TNPO3: variants seen among roughly 807,000 people sequenced by gnomAD.
The protein encoded by TNPO3 is transportin-3.
In TNPO3, 65 loss-of-function variants were observed where a neutral mutation model predicts 122.8. That is an observed-to-expected ratio of 0.53 (90% CI 0.43 to 0.65). The LOEUF is 0.65. Ranked by LOEUF, TNPO3 falls within the 30% of genes least tolerant of loss-of-function variation. TNPO3 has a pLI of 0.00. For missense variants in TNPO3, 850 were observed against 1,136.7 expected (o/e 0.75, Z 3.63); for synonymous variants, 372 against 411.2 (o/e 0.90, Z 1.15).
At chr7:129,047,425 ATAC>A (rs1265449458) in intron 1 of TNPO3, among the ~76,000 whole-genome samples, 4 of 152,234 alleles carry the variant, frequency 2.6e-5, no homozygotes, top group Non-Finnish European at 5.9e-5. Context: ...CTGCCTCAAA[ATAC>A]TCTCTTTCAG....
chr7:129,016,073 A>C (rs1803820707), intron 3 of TNPO3, among the ~76,000 whole-genome samples: 1 of 151,940 alleles, frequency 6.6e-6, no homozygotes, highest in Admixed American at 6.5e-5. Context: ...TGAAACAGCA[A>C]GACTGTGTCT....
chr7:129,005,618 C>T (rs1295002079), intron 4 of TNPO3, among the ~76,000 whole-genome samples: 1 of 151,952 alleles, frequency 6.6e-6, no homozygotes, highest in Non-Finnish European at 1.5e-5. Context: ...CTCTCTCCTG[C>T]CGGCCGTGTG....
intron 1 of TNPO3, among the ~76,000 whole-genome samples, chr7:129,052,346 C>G (rs1479718274): frequency 6.6e-6 from 1 of 152,246 alleles, no homozygotes; most frequent in African/African-American, 2.4e-5. Context: ...CCTCTCAAGG[C>G]AGCCAACTCC....
chr7:129,031,334 T>C lies in TNPO3; in HGVS notation c.121-13177A>G, dbSNP rs142552673. On this transcript the variant is annotated intron_variant, in intron 1 of 22. Transcript: ENST00000265388. Reference sequence around the variant, plus strand: ...AGAAAGAAAGAAAGAAATAAGAGGATTTAAATAACTAATCAGAAATAAAAG... The same window carrying C: ...AGAAAGAAAGAAAGAAATAAGAGGACTTAAATAACTAATCAGAAATAAAAG... Among the ~76,000 whole-genome samples the C allele has an allele frequency of 7.2e-3, 1,091 of 151,496 alleles. 18 individuals carry two copies. Among genetic ancestry groups the C allele is most frequent in the African/African-American group, 0.025 (1,027 of 41,230 alleles).
chr7:129,003,308 T>A (rs985478984), intron 5 of TNPO3, among the ~76,000 whole-genome samples: 1 of 149,734 alleles, frequency 6.7e-6, no homozygotes, highest in Non-Finnish European at 1.5e-5. Flanking sequence ...TTTTTTTTTT[T>A]TTTTTTTTTT....
At chr7:128,966,856 T>C (rs1797972599) in intron 21 of TNPO3, among the ~76,000 whole-genome samples, 1 of 152,268 alleles carries the variant, frequency 6.6e-6, no homozygotes, top group Admixed American at 6.5e-5. Context: ...TCTTTAGGCA[T>C]GGTGAACATT....
intron 1 of TNPO3, among the ~76,000 whole-genome samples, chr7:129,035,222 C>T (rs186158977): frequency 4.2e-4 from 64 of 151,286 alleles, no homozygotes; most frequent in African/African-American, 1.2e-3. Flanking sequence ...TGCAGTGAGC[C>T]GAGATAGAGC....
rs541962436 is a variant in TNPO3 at position 129,028,610 on chromosome 7, C to T, written c.121-10453G>A. Among the ~76,000 whole-genome samples the T allele has an allele frequency of 1.2e-3, 186 of 152,220 alleles. 2 individuals carry two copies. Among genetic ancestry groups the T allele is most frequent in the Non-Finnish European group, 1.5e-3 (99 of 68,036 alleles). On this transcript the variant is annotated intron_variant, in intron 1 of 22. Coordinates refer to ENST00000265388, the MANE Select transcript of TNPO3 (RefSeq NM_012470.4). ...GCCACAGTCACTGGCCGCCCCTCTG[C>T]CAACAGCTCCAGCACTACCTTGGGC...
intron 8 of TNPO3, among the ~76,000 whole-genome samples, chr7:128,997,088 A>C (rs1169323228): frequency 6.6e-6 from 1 of 152,112 alleles, no homozygotes; most frequent in Non-Finnish European, 1.5e-5. Context: ...TAAGCTGTAG[A>C]GTCTGCCAAT....
chr7:128,955,776 G>A (rs1435721816), intron 22 of TNPO3, among the ~76,000 whole-genome samples: 1 of 152,166 alleles, frequency 6.6e-6, no homozygotes, highest in Non-Finnish European at 1.5e-5. Flanking sequence ...ACTAATAACA[G>A]TTGAAAACAA....
In TNPO3 at chr7:129,054,809, T is replaced by C. The variant is rs1809291091; in HGVS notation, c.-39A>G. ...GTGGCGGTAGCGACGGCTCTGATTC[T>C]TCTCCGGAGGATTCCTCGGTTGCTC... On this transcript the variant is annotated 5_prime_UTR_variant, in exon 1 of 23. Transcript: ENST00000265388. 6.2e-7 allele frequency: 1 copy of C among 1,613,210 alleles called. No homozygotes were observed. The highest frequency in any genetic ancestry group is 8.5e-7 in the Non-Finnish European group (1 of 1,179,654).
At chr7:129,051,427 C>T (rs1402346036) in intron 1 of TNPO3, among the ~76,000 whole-genome samples, 1 of 151,122 alleles carries the variant, frequency 6.6e-6, no homozygotes, top group East Asian at 1.9e-4. Context: ...ATAGCTCACT[C>T]AGTCTTGAAC....
intron 1 of TNPO3, among the ~76,000 whole-genome samples, chr7:129,044,792 TC>T (rs933877137): frequency 2.4e-4 from 37 of 152,182 alleles, no homozygotes; most frequent in African/African-American, 8.9e-4. Flanking sequence ...GTATGGCAGT[TC>T]CCCCAAATAA....
chr7:129,011,995 TTTTC>T (rs1340328994), intron 4 of TNPO3, among the ~76,000 whole-genome samples: 2 of 135,186 alleles, frequency 1.5e-5, no homozygotes, highest in African/African-American at 5.3e-5. Context: ...TCTTTTTTCT[TTTTC>T]TTTCTTTTTT....
At chr7:128,962,511 T>C (rs1362847798) in intron 21 of TNPO3, among the ~76,000 whole-genome samples, 1 of 152,238 alleles carries the variant, frequency 6.6e-6, no homozygotes, top group Non-Finnish European at 1.5e-5. Context: ...AGGCAGGTGT[T>C]ACGGACCTTA....
intron 1 of TNPO3, among the ~76,000 whole-genome samples, chr7:129,028,438 T>G (rs1231810348): frequency 2.6e-5 from 4 of 152,114 alleles, no homozygotes; most frequent in African/African-American, 9.7e-5. Flanking sequence ...CAACCTAATT[T>G]TATGCCTTAA....
At chr7:129,038,232 A>G (rs879304117) in intron 1 of TNPO3, among the ~76,000 whole-genome samples, 3 of 152,224 alleles carry the variant, frequency 2.0e-5, no homozygotes, top group Admixed American at 1.3e-4. Flanking sequence ...AATGGGAAGA[A>G]AAAAAGGAAA....
At chr7:129,039,132 C>T (rs1282804064) in intron 1 of TNPO3, among the ~76,000 whole-genome samples, 1 of 152,138 alleles carries the variant, frequency 6.6e-6, no homozygotes, top group Admixed American at 6.5e-5. Context: ...ACCAGGATGG[C>T]TATAATCAAA....
At chr7:129,027,571 A>AAAC (rs2150480615) in intron 1 of TNPO3, among the ~76,000 whole-genome samples, 1 of 134,164 alleles carries the variant, frequency 7.5e-6, no homozygotes, top group East Asian at 2.0e-4. Flanking sequence ...AAAAAAAAAA[A>AAAC]AAAAAAAAAA....
Sources: gnomAD v4.1 joint callset for allele counts (sites outside exome capture counted in the v4.1 genomes callset) on GRCh38, gnomAD v4.1.1 for gene constraint, MANE v1.5 for transcripts, NCBI Gene and HGNC (gene_info 2026-07-23, HGNC 2026-07-21) for gene names.